Variants in TMEM170B observed in about 807,000 individuals in gnomAD.
TMEM170B encodes transmembrane protein 170B.
A neutral mutation model predicts 13.0 loss-of-function variants in TMEM170B; 6 were observed. The ratio of observed to expected loss-of-function variants is 0.46; its 90% CI spans 0.25 to 0.91. TMEM170B has a LOEUF of 0.91. Ranked by LOEUF, TMEM170B falls within the 40% of genes least tolerant of loss-of-function variation. TMEM170B has a pLI of 0.17. For missense variants in TMEM170B, 138 were observed against 165.2 expected (o/e 0.84, Z 0.90); for synonymous variants, 61 against 64.9 (o/e 0.94, Z 0.29).
intron 1 of TMEM170B, among the ~76,000 whole-genome samples, chr6:11,546,050 C>T (rs982277853): frequency 5.7e-5 from 7 of 123,264 alleles, no homozygotes; most frequent in South Asian, 2.6e-4. Context: ...AGCTGTAAAA[C>T]AGCCTCAGGC....
intron 1 of TMEM170B, among the ~76,000 whole-genome samples, chr6:11,547,976 T>C (rs988765955): frequency 6.6e-6 from 1 of 152,164 alleles, no homozygotes; most frequent in African/African-American, 2.4e-5. Flanking sequence ...AGGGATATGT[T>C]TTCTGTAGAA....
At chr6:11,551,530 G>C (rs573954835) in intron 1 of TMEM170B, among the ~76,000 whole-genome samples, 7 of 152,252 alleles carry the variant, frequency 4.6e-5, no homozygotes, top group African/African-American at 1.7e-4. Context: ...AGAAAAAGCA[G>C]AAAACTGTCT....
At chr6:11,569,552 A>T (rs1225814454) in intron 2 of TMEM170B, among the ~76,000 whole-genome samples, 2 of 152,220 alleles carry the variant, frequency 1.3e-5, no homozygotes. Flanking sequence ...CAGTTCTGCC[A>T]AGGTAGTGCA....
intron 2 of TMEM170B, among the ~76,000 whole-genome samples, chr6:11,567,371 G>T (rs546157271): frequency 6.6e-6 from 1 of 152,214 alleles, no homozygotes; most frequent in Non-Finnish European, 1.5e-5. Flanking sequence ...CACTGGATCT[G>T]TTTTGGGACT....
At chr6:11,554,007 A>G (rs1234797431) in intron 1 of TMEM170B, among the ~76,000 whole-genome samples, 1 of 152,062 alleles carries the variant, frequency 6.6e-6, no homozygotes, top group Non-Finnish European at 1.5e-5. Context: ...TTAAGGTGTG[A>G]TTACCGTGAC....
At chr6:11,547,739 C>T (rs1340340360) in intron 1 of TMEM170B, among the ~76,000 whole-genome samples, 1 of 151,924 alleles carries the variant, frequency 6.6e-6, no homozygotes, top group African/African-American at 2.4e-5. Context: ...ATTTCTGTCT[C>T]ATTATTTTTG....
At chr6:11,555,485 A>T (rs1486367676) in intron 1 of TMEM170B, among the ~76,000 whole-genome samples, 1 of 152,058 alleles carries the variant, frequency 6.6e-6, no homozygotes, top group African/African-American at 2.4e-5. Flanking sequence ...TTATTTTTGA[A>T]AAATTTTCAG....
chr6:11,540,139 G>A (rs1020046301), intron 1 of TMEM170B, among the ~76,000 whole-genome samples: 6 of 152,306 alleles, frequency 3.9e-5, no homozygotes, highest in African/African-American at 1.4e-4. Flanking sequence ...GATGACTGCT[G>A]ACTGATCAAG....
chr6:11,539,992 T>C (rs989647078), intron 1 of TMEM170B, among the ~76,000 whole-genome samples: 2 of 152,206 alleles, frequency 1.3e-5, no homozygotes, highest in Non-Finnish European at 2.9e-5. Flanking sequence ...TCTTTAAATG[T>C]GAAATAGCAT....
intron 2 of TMEM170B, among the ~76,000 whole-genome samples, chr6:11,569,525 G>A (rs539222643): frequency 6.6e-6 from 1 of 152,258 alleles, no homozygotes; most frequent in South Asian, 2.1e-4. Flanking sequence ...CAGGCTAGTG[G>A]TCTCTGTCAC....
At chr6:11,542,191 C>T (rs1408305980) in intron 1 of TMEM170B, among the ~76,000 whole-genome samples, 1 of 152,056 alleles carries the variant, frequency 6.6e-6, no homozygotes, top group African/African-American at 2.4e-5. Flanking sequence ...CAAGGTATGC[C>T]TGTAGATATT....
intron 1 of TMEM170B, among the ~76,000 whole-genome samples, chr6:11,560,207 C>T (rs1012495765): frequency 2.6e-5 from 4 of 151,616 alleles, no homozygotes; most frequent in African/African-American, 7.3e-5. Context: ...CTGTGTCGCC[C>T]AGGCTGGAGT....
In TMEM170B at chr6:11,576,967, G is replaced by A. The variant is rs986180345; in HGVS notation, c.*1406G>A. The A allele has an allele frequency of 1.3e-5, 2 of 152,088 alleles. No individual in the cohort carries two copies. The highest frequency in any genetic ancestry group is 4.8e-5 in the African/African-American group (2 of 41,434). The allele number at this position is 152,088 out of a possible 1,614,324, so 9.4% of individuals were successfully genotyped here. ...TAGGGTTGAACTGGTCTCCTAATGA[G>A]ATTTTTTTTGGCACCAGATACAATT... On this transcript the variant is annotated 3_prime_UTR_variant, in exon 3 of 3. Transcript: ENST00000379426.
intron 1 of TMEM170B, among the ~76,000 whole-genome samples, chr6:11,548,510 CTG>C (rs1387034524): frequency 4.6e-5 from 7 of 152,076 alleles, no homozygotes; most frequent in South Asian, 2.1e-4. Context: ...TTGTGGAAAA[CTG>C]TGGCGATTCC....
intron 2 of TMEM170B, among the ~76,000 whole-genome samples, chr6:11,568,953 T>C (rs1193097036): frequency 6.6e-6 from 1 of 152,182 alleles, no homozygotes; most frequent in Non-Finnish European, 1.5e-5. Flanking sequence ...TGGGAGAAAC[T>C]GGTTTCTATA....
intron 1 of TMEM170B, among the ~76,000 whole-genome samples, chr6:11,550,941 T>C (rs955089152): frequency 1.3e-5 from 2 of 152,194 alleles, no homozygotes; most frequent in African/African-American, 4.8e-5. Context: ...ATCTTTGTAT[T>C]AGTTATCTAT....
rs544455760 is a variant in TMEM170B at position 11,578,709 on chromosome 6, C to A, written c.*3148C>A. Reference sequence around the variant, plus strand: ...TACAGTTTGTTACCCAATATACTTTCTTAGTATTTGCAGCATACATTTCAC... The same window carrying A: ...TACAGTTTGTTACCCAATATACTTTATTAGTATTTGCAGCATACATTTCAC... On this transcript the variant is annotated 3_prime_UTR_variant, in exon 3 of 3. Transcript: ENST00000379426. 1.6e-4 allele frequency: 24 copies of A among 152,214 alleles called. No individual in the cohort carries two copies. Among genetic ancestry groups the A allele is most frequent in the African/African-American group, 5.3e-4 (22 of 41,552 alleles). The allele number at this position is 152,214 out of a possible 1,614,324, so 9.4% of individuals were successfully genotyped here.
intron 1 of TMEM170B, among the ~76,000 whole-genome samples, chr6:11,545,291 T>C (rs1357953659): frequency 2.0e-5 from 3 of 151,598 alleles, no homozygotes; most frequent in Non-Finnish European, 4.4e-5. Context: ...TGTGTGTGTG[T>C]GTGTGTGTGT....
intron 2 of TMEM170B, among the ~76,000 whole-genome samples, chr6:11,570,442 G>A (rs942682476): frequency 2.6e-5 from 4 of 151,930 alleles, no homozygotes; most frequent in Admixed American, 6.6e-5. Flanking sequence ...AAAATACAGA[G>A]CATAATAGAA....
Sources: gnomAD v4.1 joint callset for allele counts (sites outside exome capture counted in the v4.1 genomes callset) on GRCh38, gnomAD v4.1.1 for gene constraint, MANE v1.5 for transcripts, NCBI Gene and HGNC (gene_info 2026-07-23, HGNC 2026-07-21) for gene names.